Variants in JARID2 observed in about 807,000 individuals in gnomAD.
JARID2 encodes protein Jumonji.
In JARID2, 21 loss-of-function variants were observed where a neutral mutation model predicts 125.6. That is an observed-to-expected ratio of 0.17 (90% CI 0.12 to 0.24). The LOEUF is 0.24. Ranked by LOEUF, JARID2 falls within the 10% of genes least tolerant of loss-of-function variation. JARID2 has a pLI of 1.00. For missense variants in JARID2, 1,303 were observed against 1,639.6 expected (o/e 0.79, Z 3.55); for synonymous variants, 736 against 661.6 (o/e 1.11, Z -1.73).
chr6:15,520,218 C>T lies in JARID2; in HGVS notation c.3708C>T (p.Ser1236=), dbSNP rs1175516781. The T allele has an allele frequency of 3.7e-6, 6 of 1,612,670 alleles. No individual in the cohort carries two copies. In the African/African-American group the frequency reaches 5.3e-5, roughly 14 times the overall value. The change falls in exon 18 of 18, where the codon TCC becomes TCT. Residue 1236 remains serine (S), a synonymous_variant. Coordinates refer to ENST00000341776, the MANE Select transcript of JARID2 (RefSeq NM_004973.4). The stretch of plus-strand genomic sequence containing the variant: ...TGCCCCCCTCCCGTCTGTCAGCCTC[C>T]AGTTCATCCAAAAGTGCTTCGAGCT... ...VDVPPSRLSA[S]SSSKSASSSS
Position 15,374,155 on chromosome 6 carries a change from G to A in JARID2, c.84G>A (p.Val28=), listed in dbSNP as rs749640365. 1.7e-5 allele frequency: 27 copies of A among 1,613,966 alleles called. No individual in the cohort carries two copies. The South Asian group carries it at 2.7e-4, about 16-fold the overall frequency. ...SDGIPWSEER[V]VRKVLYLSLK... is the part of the protein sequence containing the mutation. The stretch of plus-strand genomic sequence containing the variant: ...GGATTCCGTGGTCAGAAGAACGGGT[G>A]GTACGTAAAGTCCTTTATTTGTCTC... The change falls in exon 2 of 18, where the codon GTG becomes GTA. Residue 28 remains valine, a synonymous_variant. Transcript: ENST00000341776.
At chr6:15,312,558 T>C (rs1762050637) in intron 1 of JARID2, among the ~76,000 whole-genome samples, 1 of 152,220 alleles carries the variant, frequency 6.6e-6, no homozygotes, top group South Asian at 2.1e-4. Context: ...CTTCTTGCAC[T>C]GTAGATTAGC....
chr6:15,507,510 C>T (rs1352748638), intron 11 of JARID2, 94 bp downstream of exon 11: 18 of 1,021,088 alleles, frequency 1.8e-5, no homozygotes, highest in African/African-American at 4.8e-5. Flanking sequence ...TAAGCACTGC[C>T]GGGGAGGGAT....
intron 1 of JARID2, among the ~76,000 whole-genome samples, chr6:15,357,802 C>G (rs1209177049): frequency 6.6e-6 from 1 of 152,238 alleles, no homozygotes; most frequent in East Asian, 1.9e-4. Context: ...TAGGACGACA[C>G]TGGCATGCTG....
intron 1 of JARID2, among the ~76,000 whole-genome samples, chr6:15,262,824 C>T (rs1366065814): frequency 1.3e-5 from 2 of 152,112 alleles, no homozygotes; most frequent in African/African-American, 2.4e-5. Context: ...CCACCGTGCC[C>T]GGCCCGTTTG....
intron 1 of JARID2, among the ~76,000 whole-genome samples, chr6:15,329,179 GT>G (rs11343556): frequency 0.21 from 11,786 of 57,346 alleles, 761 homozygotes; most frequent in African/African-American, 0.43. Flanking sequence ...CTTTAATATG[GT>G]TTTTTTTTTT....
intron 1 of JARID2, among the ~76,000 whole-genome samples, chr6:15,271,516 A>T (rs552313374): frequency 4.6e-5 from 7 of 152,384 alleles, no homozygotes; most frequent in African/African-American, 1.4e-4. Flanking sequence ...AACTATTGTT[A>T]TAGAAGATCC....
chr6:15,512,326 G>A lies in JARID2; in HGVS notation c.3071G>A (p.Ser1024Asn), dbSNP rs754979948. The change falls in exon 14 of 18, where the codon AGC (serine) becomes AAC (asparagine). Residue 1024 changes from serine to asparagine, a missense_variant. Transcript: ENST00000341776. ...SFVSKVCCGY[S>N]VSETVHFATT... ...GTGTCCAAAGTGTGCTGTGGGTACA[G>A]CGTGTCTGAAACCGTGCACTTTGCT... 1.2e-6 allele frequency: 2 copies of A among 1,614,176 alleles called. No homozygotes were observed. Among genetic ancestry groups the A allele is most frequent in the South Asian group, 2.2e-5 (2 of 91,080 alleles).
At chr6:15,517,843 C>T (rs1771639324) in intron 17 of JARID2, among the ~76,000 whole-genome samples, 1 of 152,240 alleles carries the variant, frequency 6.6e-6, no homozygotes, top group African/African-American at 2.4e-5. Flanking sequence ...CCTGCTCTGC[C>T]CGCCTTCCCC....
intron 1 of JARID2, among the ~76,000 whole-genome samples, chr6:15,279,826 T>G (rs1285359363): frequency 6.6e-6 from 1 of 152,222 alleles, no homozygotes; most frequent in African/African-American, 2.4e-5. Context: ...TCTTAAGCAT[T>G]ACCTAAGACC....
At chr6:15,465,675 G>A (rs1246623426) in intron 4 of JARID2, among the ~76,000 whole-genome samples, 2 of 151,842 alleles carry the variant, frequency 1.3e-5, no homozygotes, top group Non-Finnish European at 2.9e-5. Context: ...AACAGATCCT[G>A]TTAAGTGGAA....
chr6:15,306,434 A>G (rs1438825709), intron 1 of JARID2, among the ~76,000 whole-genome samples: 1 of 146,604 alleles, frequency 6.8e-6, no homozygotes, highest in East Asian at 2.0e-4. Context: ...TCCTGGGTTC[A>G]AGCGATTCTC....
At chr6:15,394,776 A>G (rs1316882464) in intron 2 of JARID2, among the ~76,000 whole-genome samples, 1 of 152,160 alleles carries the variant, frequency 6.6e-6, no homozygotes, top group African/African-American at 2.4e-5. Context: ...CAGCATGTGC[A>G]AAGGCCTCAA....
At chr6:15,371,197 T>C (rs1461510737) in intron 1 of JARID2, among the ~76,000 whole-genome samples, 1 of 152,238 alleles carries the variant, frequency 6.6e-6, no homozygotes, top group East Asian at 1.9e-4. Flanking sequence ...ACATGGTTTA[T>C]GTTTTAATTA....
At chr6:15,424,016 T>C (rs531357527) in intron 3 of JARID2, among the ~76,000 whole-genome samples, 1 of 152,298 alleles carries the variant, frequency 6.6e-6, no homozygotes, top group East Asian at 1.9e-4. Context: ...TTGGTCTGCG[T>C]TGTTTGGCCA....
At chr6:15,401,117 T>C (rs1248977867) in intron 2 of JARID2, 2 of 1,285,406 alleles carry the variant, frequency 1.6e-6, no homozygotes, top group Non-Finnish European at 1.0e-6. Flanking sequence ...GTTTCCCTGC[T>C]GGGGTCCTGA....
At chr6:15,343,337 G>A (rs1348991614) in intron 1 of JARID2, among the ~76,000 whole-genome samples, 1 of 144,484 alleles carries the variant, frequency 6.9e-6, no homozygotes, top group Non-Finnish European at 1.5e-5. Flanking sequence ...TTTTGGTTTT[G>A]TGATTTCTGG....
Position 15,246,510 on chromosome 6 carries a change from C to T in JARID2, c.-30C>T. On this transcript the variant is annotated 5_prime_UTR_variant, in exon 1 of 18. Transcript: ENST00000341776. ...GCTTTAAATTCATGAAGCAATTGTC[C>T]CCTTTTGCAATCAGCATTTGGATCT... is the stretch of plus-strand genomic sequence containing the variant. 1.2e-6 allele frequency: 2 copies of T among 1,600,688 alleles called. No individual in the cohort carries two copies. The highest frequency in any genetic ancestry group is 2.2e-5 in the South Asian group (2 of 89,838).
At chr6:15,443,462 A>G (rs1467969146) in intron 3 of JARID2, among the ~76,000 whole-genome samples, 7 of 152,214 alleles carry the variant, frequency 4.6e-5, no homozygotes, top group Admixed American at 4.6e-4. Context: ...TAAAATATAT[A>G]TGAATGAATT....
Sources: gnomAD v4.1 joint callset for allele counts (sites outside exome capture counted in the v4.1 genomes callset) on GRCh38, gnomAD v4.1.1 for gene constraint, MANE v1.5 for transcripts, NCBI Gene and HGNC (gene_info 2026-07-23, HGNC 2026-07-21) for gene names.